GABRA5: variants seen among roughly 807,000 people sequenced by gnomAD.
GABRA5 encodes the protein gamma-aminobutyric acid type A receptor subunit alpha5.
In GABRA5, 18 loss-of-function variants were observed where a neutral mutation model predicts 47.3. That is an observed-to-expected ratio of 0.38 (90% CI 0.26 to 0.56). The LOEUF is 0.56. Ranked by LOEUF, GABRA5 falls within the 20% of genes least tolerant of loss-of-function variation. The pLI, the probability that GABRA5 is intolerant of heterozygous loss-of-function variation, is 0.71. For missense variants in GABRA5, 365 were observed against 599.3 expected (o/e 0.61, Z 4.08); for synonymous variants, 237 against 229.3 (o/e 1.03, Z -0.30).
intron 3 of GABRA5, among the ~76,000 whole-genome samples, chr15:26,876,665 G>A (rs978610259): frequency 6.6e-6 from 1 of 152,158 alleles, no homozygotes; most frequent in Admixed American, 6.5e-5. Flanking sequence ...GGGAGGCAGC[G>A]GGGGTTGCTC....
At chr15:26,911,398 A>AAACACACACACACACACACAC in intron 6 of GABRA5, among the ~76,000 whole-genome samples, 1 of 96,782 alleles carries the variant, frequency 1.0e-5, no homozygotes, top group South Asian at 3.4e-4. Flanking sequence ...CACACACACA[A>AAACACACACACACACACACAC]ACACACACAC....
At chr15:26,920,857 G>A (rs989078868) in intron 7 of GABRA5, among the ~76,000 whole-genome samples, 1 of 152,104 alleles carries the variant, frequency 6.6e-6, no homozygotes, top group African/African-American at 2.4e-5. Flanking sequence ...AGCACTCAGA[G>A]ACAAGCAAGA....
intron 6 of GABRA5, among the ~76,000 whole-genome samples, chr15:26,892,942 G>T (rs551204961): frequency 1.3e-3 from 193 of 151,682 alleles, no homozygotes; most frequent in African/African-American, 4.5e-3. Context: ...GGATGCGTGT[G>T]TGTAGTGTGT....
intron 6 of GABRA5, among the ~76,000 whole-genome samples, chr15:26,911,473 A>G (rs779489221): frequency 6.6e-6 from 1 of 151,894 alleles, no homozygotes; most frequent in African/African-American, 2.4e-5. Context: ...ATCTTTCAAC[A>G]TTGTCAGTGC....
At position 26,890,297 on chromosome 15, in the gene GABRA5, C is replaced by T. The variant is rs1178321739; in HGVS notation, c.497+6740C>T. 2.6e-5 allele frequency among the ~76,000 whole-genome samples: 4 copies of T among 152,234 alleles called. No individual in the cohort carries two copies. The South Asian group carries it at 6.2e-4, about 24-fold the overall frequency. On this transcript the variant is annotated intron_variant, in intron 6 of 10. Coordinates refer to ENST00000335625, the MANE Select transcript of GABRA5 (RefSeq NM_000810.4). ...TGAGAGTAGAGACCACCTATTACTT[C>T]CTCTCTGGCACCTTATATACAAAAA...
chr15:26,911,549 A>G (rs920359426), intron 6 of GABRA5, among the ~76,000 whole-genome samples: 53 of 152,310 alleles, frequency 3.5e-4, no homozygotes, highest in African/African-American at 1.3e-3. Flanking sequence ...CCATGGCAGA[A>G]GGAGCGGCTC....
At chr15:26,882,048 ACT>A (rs982361122) in intron 4 of GABRA5, among the ~76,000 whole-genome samples, 15 of 152,096 alleles carry the variant, frequency 9.9e-5, no homozygotes, top group African/African-American at 3.4e-4. Context: ...ATGAGTTGCC[ACT>A]CTCTGCCTTT....
chr15:26,941,900 T>A (rs1265066432), intron 9 of GABRA5, among the ~76,000 whole-genome samples: 1 of 152,228 alleles, frequency 6.6e-6, no homozygotes, highest in Non-Finnish European at 1.5e-5. Flanking sequence ...TTAACTTAAT[T>A]ATTTCTTTAA....
intron 8 of GABRA5, among the ~76,000 whole-genome samples, chr15:26,937,657 C>A (rs897439326): frequency 2.6e-5 from 4 of 152,218 alleles, no homozygotes; most frequent in Non-Finnish European, 5.9e-5. Flanking sequence ...TGCTTCCCCA[C>A]CTCCTGCTTT....
chr15:26,936,300 G>T (rs571672405), intron 7 of GABRA5, among the ~76,000 whole-genome samples: 3 of 152,256 alleles, frequency 2.0e-5, no homozygotes, highest in Admixed American at 1.3e-4. Context: ...TCCCAGAACT[G>T]CCCTAAGCTT....
chr15:26,889,668 G>A (rs1271446681), intron 6 of GABRA5, among the ~76,000 whole-genome samples: 1 of 152,208 alleles, frequency 6.6e-6, no homozygotes, highest in Non-Finnish European at 1.5e-5. Flanking sequence ...AAAGTGTCAA[G>A]TTCAAAGCTT....
intron 6 of GABRA5, among the ~76,000 whole-genome samples, chr15:26,907,245 A>C (rs1893466399): frequency 6.6e-6 from 1 of 152,256 alleles, no homozygotes; most frequent in South Asian, 2.1e-4. Context: ...GGAACTCTAC[A>C]GTAATATAAA....
intron 7 of GABRA5, 71 bp from the exon 8 acceptor site, chr15:26,937,114 A>T: frequency 6.4e-7 from 1 of 1,559,282 alleles, no homozygotes; most frequent in South Asian, 1.1e-5. Context: ...CTACTTTAGT[A>T]AAAGCTTCTG....
At chr15:26,936,009 G>C (rs541385953) in intron 7 of GABRA5, among the ~76,000 whole-genome samples, 11 of 152,264 alleles carry the variant, frequency 7.2e-5, no homozygotes, top group African/African-American at 2.2e-4. Context: ...ACTAGTAGAG[G>C]TAATTGGATT....
chr15:26,878,207 T>C (rs1253610042), intron 3 of GABRA5, among the ~76,000 whole-genome samples: 1 of 152,360 alleles, frequency 6.6e-6, no homozygotes, highest in South Asian at 2.1e-4. Context: ...GTGCTTTCAA[T>C]GAGCCAAAAT....
intron 7 of GABRA5, among the ~76,000 whole-genome samples, chr15:26,925,442 A>T (rs1595426879): frequency 6.6e-6 from 1 of 152,304 alleles, no homozygotes; most frequent in East Asian, 1.9e-4. Flanking sequence ...ATTATTCAGT[A>T]TACAATATGT....
intron 3 of GABRA5, chr15:26,880,578 A>T (rs1892704413): frequency 3.3e-6 from 1 of 300,420 alleles, no homozygotes; most frequent in Admixed American, 4.7e-5. Context: ...AAATATTGAC[A>T]TAAACCAATT....
chr15:26,929,193 G>T (rs1450329170), intron 7 of GABRA5, among the ~76,000 whole-genome samples: 2 of 152,168 alleles, frequency 1.3e-5, no homozygotes, highest in Admixed American at 6.5e-5. Flanking sequence ...TTATCTTTGG[G>T]CAGAATTCTT....
intron 7 of GABRA5, among the ~76,000 whole-genome samples, chr15:26,922,618 TTC>T (rs1358957989): frequency 6.6e-6 from 1 of 152,196 alleles, no homozygotes; most frequent in Non-Finnish European, 1.5e-5. Context: ...TTTCTGCTTT[TTC>T]TGTGTTTTTA....
Sources: gnomAD v4.1 joint callset for allele counts (sites outside exome capture counted in the v4.1 genomes callset) on GRCh38, gnomAD v4.1.1 for gene constraint, MANE v1.5 for transcripts, NCBI Gene and HGNC (gene_info 2026-07-23, HGNC 2026-07-21) for gene names.